BTBD1: variants seen among roughly 807,000 people sequenced by gnomAD.
BTBD1 encodes the protein BTB/POZ domain-containing protein 1.
A neutral mutation model predicts 48.0 loss-of-function variants in BTBD1; 34 were observed. The observed-to-expected ratio is 0.71, with a 90% CI of 0.54 to 0.94. The LOEUF is 0.94. Among genes scored for constraint, BTBD1 ranks in the 40% least tolerant of loss-of-function variants. BTBD1 has a pLI of 0.00. For missense variants in BTBD1, 543 were observed against 625.6 expected, an observed-to-expected ratio of 0.87 and a Z score of 1.41; for synonymous variants, 261 against 242.1, an observed-to-expected ratio of 1.08 and a Z score of -0.72.
rs1392378877 is a variant in BTBD1, at chr15:83,066,748, C to T, written c.401+3G>A. On this transcript the variant is annotated splice_donor_region_variant and intron_variant, in intron 1 of 7. Coordinates refer to ENST00000261721, the MANE Select transcript of BTBD1 (RefSeq NM_025238.4). ...GCCCGGCCCGGCCCGCGCTGCCGCT[C>T]ACCTCAGCAGCGCCAGGAAGGCTGC... The T allele has an allele frequency of 7.4e-7, 1 of 1,355,434 alleles. No homozygotes were observed. The highest frequency in any genetic ancestry group is 9.4e-7 in the Non-Finnish European group (1 of 1,059,558). The allele number at this position is 1,355,434 out of a possible 1,614,324, so 84.0% of individuals were successfully genotyped here. A position where few individuals can be genotyped will look rare whatever the true frequency, so the allele number is the denominator to read the frequency against.
intron 1 of BTBD1, 124 bp downstream of exon 1, chr15:83,066,627 C>G: frequency 9.5e-7 from 1 of 1,056,696 alleles, no homozygotes; most frequent in Non-Finnish European, 1.2e-6. Flanking sequence ...ACTGAGGCCC[C>G]GGGCGGGTCA....
At chr15:83,042,364 ATATATATATATATG>A (rs1378410503) in intron 3 of BTBD1, among the ~76,000 whole-genome samples, 1 of 123,088 alleles carries the variant, frequency 8.1e-6, no homozygotes, top group African/African-American at 3.2e-5. Context: ...ATATATATAT[ATATATATATATATG>A]TATGTATATA....
At chr15:83,019,466 T>A (rs969929025) in intron 6 of BTBD1, among the ~76,000 whole-genome samples, 1 of 151,544 alleles carries the variant, frequency 6.6e-6, no homozygotes, top group African/African-American at 2.4e-5. Flanking sequence ...ACTGGGATTA[T>A]AGATCTGAGC....
At chr15:83,066,611 G>T (rs2033277165) in intron 1 of BTBD1, 140 bp downstream of exon 1, 1 of 911,074 alleles carries the variant, frequency 1.1e-6, no homozygotes, top group African/African-American at 1.7e-5. Flanking sequence ...AACGGCTCGG[G>T]AGGAAACTGA....
chr15:83,060,634 A>G (rs1362445034), intron 1 of BTBD1, among the ~76,000 whole-genome samples: 1 of 151,970 alleles, frequency 6.6e-6, no homozygotes, highest in Non-Finnish European at 1.5e-5. Context: ...TCTCTACTAA[A>G]AATACAAAAA....
intron 5 of BTBD1, among the ~76,000 whole-genome samples, chr15:83,024,975 T>G (rs1441231245): frequency 6.6e-6 from 1 of 152,196 alleles, no homozygotes; most frequent in Non-Finnish European, 1.5e-5. Context: ...CAACACTAAC[T>G]TCCTATAGCT....
intron 4 of BTBD1, among the ~76,000 whole-genome samples, chr15:83,033,164 G>A (rs2032558024): frequency 6.6e-6 from 1 of 151,470 alleles, no homozygotes; most frequent in African/African-American, 2.4e-5. Context: ...TTTTGAAGCT[G>A]TGAATAGCCA....
intron 1 of BTBD1, among the ~76,000 whole-genome samples, chr15:83,059,656 C>CA (rs1205695598): frequency 1.3e-5 from 2 of 152,208 alleles, no homozygotes; most frequent in Non-Finnish European, 2.9e-5. Context: ...GATCATAGCT[C>CA]ACTGTATCCT....
At chr15:83,037,459 A>G (rs34622431) in intron 4 of BTBD1, among the ~76,000 whole-genome samples, 6 of 152,220 alleles carry the variant, frequency 3.9e-5, no homozygotes, top group African/African-American at 1.4e-4. Context: ...GTCTCAATAG[A>G]CATGAAAAAG....
At chr15:83,026,969 CGTGTGT>C (rs71156067) in intron 5 of BTBD1, among the ~76,000 whole-genome samples, 14,572 of 150,220 alleles carry the variant, frequency 0.097, 748 homozygotes, top group East Asian at 0.19. Flanking sequence ...AGGGGAAATA[CGTGTGT>C]GTGTGTGTGT....
intron 5 of BTBD1, among the ~76,000 whole-genome samples, chr15:83,026,516 GCTT>G (rs2032409932): frequency 8.5e-6 from 1 of 117,142 alleles, no homozygotes; most frequent in Non-Finnish European, 1.7e-5. Context: ...ATTTTTTAGT[GCTT>G]TTTTTTTTTT....
intron 1 of BTBD1, among the ~76,000 whole-genome samples, chr15:83,057,041 T>A (rs1386402062): frequency 6.6e-6 from 1 of 152,118 alleles, no homozygotes; most frequent in Non-Finnish European, 1.5e-5. Flanking sequence ...TAAGGCACAG[T>A]CCCTCATGGC....
chr15:83,020,377 G>T, intron 6 of BTBD1: 1 of 237,106 alleles, frequency 4.2e-6, no homozygotes, highest in East Asian at 9.0e-5. Flanking sequence ...AGTTGAAAGG[G>T]CCATGAAAAA....
chr15:83,018,911 A>T (rs923171011), intron 6 of BTBD1, 58 bp from the exon 7 acceptor site: 24 of 1,362,238 alleles, frequency 1.8e-5, no homozygotes, highest in Non-Finnish European at 2.3e-5. Context: ...CAAACTATAG[A>T]AAATAATATA....
chr15:83,056,585 T>C (rs1338358623), intron 1 of BTBD1, 40 bp from the exon 2 acceptor site: 4 of 1,548,048 alleles, frequency 2.6e-6, no homozygotes, highest in Non-Finnish European at 2.7e-6. Flanking sequence ...TGGTCAGTAA[T>C]GTTTTAGATA....
At chr15:83,063,828 T>C (rs1452450034) in intron 1 of BTBD1, among the ~76,000 whole-genome samples, 1 of 152,238 alleles carries the variant, frequency 6.6e-6, no homozygotes, top group Non-Finnish European at 1.5e-5. Flanking sequence ...CCGAAAACAA[T>C]GCGTTCCCTT....
chr15:83,067,201 G>C lies in BTBD1; in HGVS notation c.-50C>G, dbSNP rs755028681. 1.5e-6 allele frequency: 2 copies of C among 1,343,870 alleles called. No homozygotes were observed. Among genetic ancestry groups the C allele is most frequent in the Non-Finnish European group, 1.9e-6 (2 of 1,048,938 alleles). 83.2% of individuals were successfully genotyped at this position (1,343,870 alleles called of 1,614,324 possible). A position where few individuals can be genotyped will look rare whatever the true frequency, so the allele number is the denominator to read the frequency against. On this transcript the variant is annotated 5_prime_UTR_variant, in exon 1 of 8. Coordinates refer to ENST00000261721, the MANE Select transcript of BTBD1 (RefSeq NM_025238.4). ...TTATGGACAAAACTCCGCCGCCATC[G>C]CCCAGGCCGCCTCCGGAGGCCGGCG...
Position 83,020,725 on chromosome 15 carries a change from C to A in BTBD1, c.1093G>T (p.Gly365Cys), listed in dbSNP as rs1022618872. Residue 365 changes from glycine to cysteine, a missense_variant, in exon 6 of 8, where the codon GGC (glycine) becomes TGC (cysteine). By Grantham distance (159) the Gly-to-Cys change is radical (BLOSUM62 -3). Transcript: ENST00000261721. ...GGGCCATGAATAGATCCATACAAGCCAAATCCAACTATAGAGATCCTTCTA... is the reference window on the plus strand; with the variant it reads ...GGGCCATGAATAGATCCATACAAGCAAAATCCAACTATAGAGATCCTTCTA... ...VNRRISIVGF[G>C]LYGSIHGPTD... 1.2e-6 allele frequency: 2 copies of A among 1,608,434 alleles called. No homozygotes were observed.
intron 2 of BTBD1, among the ~76,000 whole-genome samples, chr15:83,051,510 A>G (rs2032981079): frequency 6.7e-6 from 1 of 149,980 alleles, no homozygotes; most frequent in African/African-American, 2.4e-5. Flanking sequence ...AAACATTTAC[A>G]TATAACATAA....
Sources: gnomAD v4.1 joint callset for allele counts (sites outside exome capture counted in the v4.1 genomes callset) on GRCh38, gnomAD v4.1.1 for gene constraint, MANE v1.5 for transcripts, NCBI Gene and HGNC (gene_info 2026-07-23, HGNC 2026-07-21) for gene names.